GLIPR2: variants seen among roughly 807,000 people sequenced by gnomAD.
GLIPR2 encodes GLI pathogenesis related 2.
In GLIPR2, 21 loss-of-function variants were observed where a neutral mutation model predicts 20.4. The observed-to-expected ratio is 1.03, with a 90% confidence interval of 0.73 to 1.48. The LOEUF (loss-of-function observed/expected upper bound fraction) is 1.48, where lower values mean the gene tolerates loss of function less well. GLIPR2 is among the 40% of genes most tolerant of loss of function. GLIPR2 has a pLI of 0.00. For missense variants in GLIPR2, 205 were observed against 200.1 expected (o/e 1.02, Z -0.15); for synonymous variants, 91 against 80.5 (o/e 1.13, Z -0.70).
In GLIPR2 at chr9:36,163,785, C is replaced by G. The variant is rs1395686802; in HGVS notation, c.*1263C>G. ...GCTGGCTTAACAGCAGGCATCTGGG[C>G]AGGCCAGTCCTCAAAGCAGCTCCTG... On this transcript the variant is annotated 3_prime_UTR_variant, in exon 5 of 5. Transcript: ENST00000377960. 1 of 152,734 alleles carries G rather than the reference C, an allele frequency of 6.5e-6. No individual in the cohort carries two copies. Among genetic ancestry groups the G allele is most frequent in the Non-Finnish European group, 1.5e-5 (1 of 68,084 alleles). The allele number at this position is 152,734 out of a possible 1,614,324, so 9.5% of individuals were successfully genotyped here.
intron 1 of GLIPR2, chr9:36,137,001 G>T (rs1348553675): frequency 2.0e-6 from 1 of 493,292 alleles, no homozygotes; most frequent in African/African-American, 2.0e-5. Flanking sequence ...GAGAGCCGGG[G>T]ATCGCGCCAA....
Position 36,157,957 on chromosome 9 carries a change from C to G in GLIPR2, c.305-4405C>G, listed in dbSNP as rs372464582. On this transcript the variant is annotated intron_variant, in intron 4 of 4. Coordinates refer to ENST00000377960, the MANE Select transcript of GLIPR2 (RefSeq NM_022343.4). ...CCTCCCCAGTAGCTAGGATTACAGG[C>G]GTGTGCCACCACACCTGGCTAATTT... Among the ~76,000 whole-genome samples, 8 of 152,072 alleles carry G rather than the reference C, an allele frequency of 5.3e-5. No homozygotes were observed. In the East Asian group the frequency reaches 5.8e-4, roughly 11 times the overall value.
At position 36,162,493 on chromosome 9, in the gene GLIPR2, G is replaced by A. The variant is rs949478315; in HGVS notation, c.436G>A (p.Glu146Lys). The change falls in exon 5 of 5, where the codon GAA becomes AAA. Residue 146 changes from glutamate to lysine, a missense_variant. Physicochemically the swap from Glu to Lys is moderately conservative, Grantham distance 56. Transcript: ENST00000377960. ...GAATGTTGTCAATGAGGGCTTCTTCGAAGAAAACGTCCTGCCGCCGAAGAA... is the reference window on the plus strand; with the variant it reads ...GAATGTTGTCAATGAGGGCTTCTTCAAAGAAAACGTCCTGCCGCCGAAGAA... ...AGNVVNEGFF[E>K]ENVLPPKK 11 of 1,614,168 alleles carry A rather than the reference G, an allele frequency of 6.8e-6. No homozygotes were observed. The highest frequency in any genetic ancestry group is 2.7e-5 in the African/African-American group (2 of 75,064).
chr9:36,148,499 G>A (rs1486493981), intron 2 of GLIPR2, 48 bp from the exon 3 acceptor site: 2 of 1,396,218 alleles, frequency 1.4e-6, no homozygotes, highest in African/African-American at 2.8e-5. Flanking sequence ...ATACTTTGGG[G>A]GTTCCCTGAA....
At chr9:36,162,129 C>G in intron 4 of GLIPR2, 11 of 939,370 alleles carry the variant, frequency 1.2e-5, no homozygotes, top group Non-Finnish European at 1.6e-5. Context: ...GAGCCAAGAT[C>G]ATGCCACTGC....
chr9:36,157,642 C>T (rs1250655396), intron 4 of GLIPR2, among the ~76,000 whole-genome samples: 1 of 151,808 alleles, frequency 6.6e-6, no homozygotes, highest in African/African-American at 2.4e-5. Flanking sequence ...CCACTACGCC[C>T]GGCCTCAGAA....
In GLIPR2 at chr9:36,138,431, G is replaced by C. The variant is rs1029739067; in HGVS notation, c.13+1640G>C. ...GTAGAGACAGGGTTTCACCGTGTTG[G>C]TCAGGCTGGTCTTGAACTCCTGACC... On this transcript the variant is annotated intron_variant, in intron 1 of 4. Coordinates refer to ENST00000377960, the MANE Select transcript of GLIPR2 (RefSeq NM_022343.4). 2.6e-5 allele frequency among the ~76,000 whole-genome samples: 4 copies of C among 152,084 alleles called. No individual in the cohort carries two copies. The East Asian group carries it at 7.7e-4, about 29-fold the overall frequency.
At chr9:36,137,930 A>T (rs909531863) in intron 1 of GLIPR2, among the ~76,000 whole-genome samples, 32 of 152,250 alleles carry the variant, frequency 2.1e-4, no homozygotes, top group Admixed American at 1.4e-3. Context: ...CTGTAGAGGC[A>T]GGTCTGGCTT....
chr9:36,162,727 C>G lies in GLIPR2; in HGVS notation c.*205C>G, dbSNP rs1475662428. On this transcript the variant is annotated 3_prime_UTR_variant, in exon 5 of 5. Coordinates refer to ENST00000377960, the MANE Select transcript of GLIPR2 (RefSeq NM_022343.4). ...CAGGAGTGAGCAAAGGAAGCATTTACCCCGATGGTTACCTAGACCACGATT... is the reference window on the plus strand; with the variant it reads ...CAGGAGTGAGCAAAGGAAGCATTTAGCCCGATGGTTACCTAGACCACGATT... 2 of 629,686 alleles carry G rather than the reference C, an allele frequency of 3.2e-6. No homozygotes were observed. Among genetic ancestry groups the G allele is most frequent in the African/African-American group, 3.7e-5 (2 of 53,834 alleles). The allele number at this position is 629,686 out of a possible 1,614,324, so 39.0% of individuals were successfully genotyped here.
intron 4 of GLIPR2, among the ~76,000 whole-genome samples, chr9:36,162,001 C>T (rs1826073594): frequency 6.6e-6 from 1 of 152,106 alleles, no homozygotes; most frequent in African/African-American, 2.4e-5. Context: ...GGTGAAACCT[C>T]ATCTCTACTA....
intron 4 of GLIPR2, 87 bp from the exon 5 acceptor site, chr9:36,162,275 A>G: frequency 6.2e-7 from 1 of 1,604,114 alleles, no homozygotes; most frequent in Non-Finnish European, 8.5e-7. Flanking sequence ...GCAAGATGGT[A>G]CAGGGGTTCA....
At chr9:36,151,121 A>AT (rs949145166) in intron 4 of GLIPR2, 172 bp downstream of exon 4, 1 of 607,310 alleles carries the variant, frequency 1.6e-6, no homozygotes, top group African/African-American at 1.8e-5. Context: ...TCCTTTCCGC[A>AT]TTACATCCCC....
chr9:36,151,012 T>C (rs1825561022), intron 4 of GLIPR2, 63 bp downstream of exon 4: 2 of 1,069,672 alleles, frequency 1.9e-6, no homozygotes, highest in Non-Finnish European at 2.9e-6. Flanking sequence ...GGTGTCTGAC[T>C]TCAGGGAGGA....
At chr9:36,148,764 G>A in intron 3 of GLIPR2, 114 bp downstream of exon 3, 2 of 699,128 alleles carry the variant, frequency 2.9e-6, no homozygotes, top group Admixed American at 2.4e-5. Context: ...GCCCAGGAAA[G>A]GAAAGAAAAA....
intron 4 of GLIPR2, among the ~76,000 whole-genome samples, chr9:36,161,199 AT>A (rs928532036): frequency 7.2e-5 from 11 of 152,096 alleles, no homozygotes; most frequent in Non-Finnish European, 1.5e-4. Context: ...TTAGAGTTGG[AT>A]TCTTCAAGAC....
chr9:36,139,734 A>G (rs894798580), intron 1 of GLIPR2, among the ~76,000 whole-genome samples: 5 of 152,204 alleles, frequency 3.3e-5, no homozygotes, highest in African/African-American at 9.7e-5. Flanking sequence ...AACAGGCGTT[A>G]TTGTAAAATC....
At chr9:36,147,672 C>T in intron 1 of GLIPR2, 114 bp from the exon 2 acceptor site, 1 of 694,864 alleles carries the variant, frequency 1.4e-6, no homozygotes, top group Non-Finnish European at 2.7e-6. Context: ...AGGGGAGCAG[C>T]AGCCTGTCCA....
chr9:36,154,387 A>C (rs1244374936), intron 4 of GLIPR2, among the ~76,000 whole-genome samples: 1 of 152,128 alleles, frequency 6.6e-6, no homozygotes, highest in East Asian at 1.9e-4. Context: ...ATGTGTGTAT[A>C]AATGTTCTCT....
At chr9:36,144,988 A>T (rs991478619) in intron 1 of GLIPR2, 1 of 152,180 alleles carries the variant, frequency 6.6e-6, no homozygotes, top group African/African-American at 2.4e-5. Context: ...CTGTTGCATC[A>T]TCTCCTCAGT....
Sources: allele counts gnomAD v4.1 joint callset (sites outside exome capture counted in the v4.1 genomes callset), GRCh38; gene constraint gnomAD v4.1.1; transcripts MANE v1.5; gene names NCBI Gene and HGNC (gene_info 2026-07-23, HGNC 2026-07-21).